MLLT1: variants seen among roughly 807,000 people sequenced by gnomAD.
The protein encoded by MLLT1 is protein ENL.
Under a neutral mutation model 55.1 loss-of-function variants are expected in MLLT1, and 11 were observed. The observed-to-expected ratio is 0.20, with a 90% CI of 0.13 to 0.33. The LOEUF is 0.33. MLLT1 is among the 10% of genes least tolerant of loss of function. The pLI, the probability that MLLT1 is intolerant of heterozygous loss-of-function variation, is 1.00. For synonymous variants in MLLT1, 323 were observed against 320.1 expected, an observed-to-expected ratio of 1.01 and a Z score of -0.10; for missense variants, 536 against 760.6, an observed-to-expected ratio of 0.70 and a Z score of 3.47.
rs977546886 is a variant in MLLT1 at position 6,219,754 on chromosome 19, C to T, written c.1111-1713G>A. On this transcript the variant is annotated intron_variant, in intron 6 of 11. Coordinates refer to ENST00000252674, the MANE Select transcript of MLLT1 (RefSeq NM_005934.4). The surrounding 1 kb of genome is among the most constrained non-coding windows in gnomAD (Gnocchi z 4.5). ...AAAGGTGGAGAGGGGGCAGTTCAGG[C>T]GGCCAAAGGAGGCTGCACAAGGTCA... 4.6e-5 allele frequency among the ~76,000 whole-genome samples: 7 copies of T among 152,162 alleles called. No individual in the cohort carries two copies. The highest frequency in any genetic ancestry group is 1.3e-4 in the Admixed American group (2 of 15,268).
intron 3 of MLLT1, among the ~76,000 whole-genome samples, chr19:6,254,979 AAG>A (rs1338749718): frequency 5.0e-5 from 6 of 120,114 alleles, no homozygotes; most frequent in African/African-American, 2.0e-4. Context: ...AAATCAACAA[AAG>A]AAAAAAAAAA....
intron 1 of MLLT1, among the ~76,000 whole-genome samples, chr19:6,279,559 C>G (rs2091446677): frequency 6.6e-6 from 1 of 151,718 alleles, no homozygotes; most frequent in Admixed American, 6.6e-5. Flanking sequence ...CCGGGCCCGG[C>G]CCGGGTCCCG....
chr19:6,279,943 G>T lies in MLLT1; in HGVS notation c.-159C>A. The T allele has an allele frequency of 6.0e-6, 1 of 165,774 alleles. No homozygotes were observed. The allele number at this position is 165,774 out of a possible 1,614,324, so 10.3% of individuals were successfully genotyped here. A position where few individuals can be genotyped will look rare whatever the true frequency, so the allele number is the denominator to read the frequency against. On this transcript the variant is annotated 5_prime_UTR_variant, in exon 1 of 12. Coordinates refer to ENST00000252674, the MANE Select transcript of MLLT1 (RefSeq NM_005934.4). ...CCGCCCGCTCGCCCGCCAGCCCCGC[G>T]GAACCGGAAACCACCGCCAGCCCGG...
intron 3 of MLLT1, among the ~76,000 whole-genome samples, chr19:6,242,524 A>C (rs2091124823): frequency 6.6e-6 from 1 of 152,192 alleles, no homozygotes; most frequent in Admixed American, 6.5e-5. Flanking sequence ...GTCTAATATT[A>C]GTGGCAAATA....
chr19:6,236,288 C>A (rs919632549), intron 3 of MLLT1, among the ~76,000 whole-genome samples: 2 of 152,216 alleles, frequency 1.3e-5, no homozygotes, highest in African/African-American at 2.4e-5. Context: ...TCTAAGCACT[C>A]AGCGGATACG....
At chr19:6,248,677 G>GC (rs1411515920) in intron 3 of MLLT1, among the ~76,000 whole-genome samples, 1 of 152,166 alleles carries the variant, frequency 6.6e-6, no homozygotes, top group Non-Finnish European at 1.5e-5. Context: ...AGAGACACAG[G>GC]CAACAGTGCA....
chr19:6,220,013 A>G (rs1401639940), intron 6 of MLLT1, among the ~76,000 whole-genome samples: 1 of 152,238 alleles, frequency 6.6e-6, no homozygotes, highest in Non-Finnish European at 1.5e-5. Flanking sequence ...GGCGGAGCAG[A>G]CTGGGTCCAC....
At chr19:6,250,380 A>G (rs1208810089) in intron 3 of MLLT1, among the ~76,000 whole-genome samples, 1 of 152,230 alleles carries the variant, frequency 6.6e-6, no homozygotes, top group Non-Finnish European at 1.5e-5. Flanking sequence ...GAAATTAAAC[A>G]TAGAATTACC....
rs1168962007 is a variant in MLLT1, at chr19:6,226,928, C to G, written c.546+49G>C. ...GAGGGCGCCGGGGCCAGACCCACCA[C>G]AGCTGGGCCCCGGCGCTCCCACGCG... On this transcript the variant is annotated intron_variant, in intron 5 of 11. Coordinates refer to ENST00000252674, the MANE Select transcript of MLLT1 (RefSeq NM_005934.4). The surrounding 1 kb of genome is among the most constrained non-coding windows in gnomAD (Gnocchi z 6.3). The G allele has an allele frequency of 6.7e-6, 10 of 1,489,024 alleles. No individual in the cohort carries two copies. Among genetic ancestry groups the G allele is most frequent in the Admixed American group, 2.5e-5 (1 of 40,038 alleles). The allele number at this position is 1,489,024 out of a possible 1,614,324, so 92.2% of individuals were successfully genotyped here.
Position 6,275,823 on chromosome 19 carries a change from T to A in MLLT1, c.12+3950A>T, listed in dbSNP as rs149741919. On this transcript the variant is annotated intron_variant, in intron 1 of 11. Coordinates refer to ENST00000252674, the MANE Select transcript of MLLT1 (RefSeq NM_005934.4). ...AATGCAAGTTCCCCTTTATAGGGTC[T>A]GCAGATTCCTGGTAAGACTGACTCT... Among the ~76,000 whole-genome samples the A allele has an allele frequency of 8.8e-3, 1,344 of 152,348 alleles. 13 individuals carry two copies. The highest frequency in any genetic ancestry group is 0.02 in the Middle Eastern group (6 of 294).
chr19:6,266,995 C>A (rs117789540), intron 2 of MLLT1, among the ~76,000 whole-genome samples: 1 of 152,076 alleles, frequency 6.6e-6, no homozygotes, highest in Non-Finnish European at 1.5e-5. Context: ...CCAGGTAAGG[C>A]GGCTGACACC....
chr19:6,214,287 C>T (rs546947786), intron 8 of MLLT1, among the ~76,000 whole-genome samples: 16 of 152,306 alleles, frequency 1.1e-4, no homozygotes, highest in Admixed American at 2.0e-4. Flanking sequence ...AAGAGTGCTC[C>T]GGGATACCCG....
chr19:6,216,600 G>T, intron 7 of MLLT1, 87 bp from the exon 8 acceptor site: 1 of 924,832 alleles, frequency 1.1e-6, no homozygotes, highest in Non-Finnish European at 1.6e-6. Context: ...GCCACGCAGA[G>T]CTTCTTGACA....
In MLLT1 at chr19:6,262,437, G is replaced by T; in HGVS notation, c.194-127C>A. ...GGGGCTTGGCTGGCCTCTCGGGGGT[G>T]GCTTTTCAGGAGGTTAAGCCCCCGA... On this transcript the variant is annotated intron_variant, in intron 2 of 11. Transcript: ENST00000252674. The surrounding 1 kb of genome is among the most constrained non-coding windows in gnomAD (Gnocchi z 4.4). 1 of 688,472 alleles carries T rather than the reference G, an allele frequency of 1.5e-6. No individual in the cohort carries two copies. The allele number at this position is 688,472 out of a possible 1,614,324, so 42.6% of individuals were successfully genotyped here. A position where few individuals can be genotyped will look rare whatever the true frequency, so the allele number is the denominator to read the frequency against.
chr19:6,217,527 A>G (rs1260550494), intron 7 of MLLT1, among the ~76,000 whole-genome samples: 3 of 152,102 alleles, frequency 2.0e-5, no homozygotes, highest in African/African-American at 7.2e-5. Context: ...GGGAGAGGGC[A>G]CTCCAAACAC....
Position 6,222,591 on chromosome 19 carries a change from A to T in MLLT1, c.640T>A (p.Ser214Thr), listed in dbSNP as rs1405882275. The change falls in exon 6 of 12, where the codon TCC becomes ACC. Residue 214 changes from serine (S) to threonine (T), a missense_variant. By Grantham distance (58) the Ser-to-Thr change is moderately conservative. Coordinates refer to ENST00000252674, the MANE Select transcript of MLLT1 (RefSeq NM_005934.4). This position sits in a 1 kb window ranked among gnomAD's most constrained non-coding sequence, Gnocchi z 4.1. ...RPRKDSESKS[S>T]SKELEREQAK... ...TGCTCACGCTCCAGCTCCTTGGAGG[A>T]GCTCTTGCTCTCGGAGTCTTTGCGG... 6.3e-7 allele frequency: 1 copy of T among 1,597,862 alleles called. No homozygotes were observed. Among genetic ancestry groups the T allele is most frequent in the Non-Finnish European group, 8.5e-7 (1 of 1,178,012 alleles).
intron 6 of MLLT1, among the ~76,000 whole-genome samples, chr19:6,218,508 G>T (rs1212732805): frequency 6.6e-6 from 1 of 152,236 alleles, no homozygotes; most frequent in Non-Finnish European, 1.5e-5. Flanking sequence ...GGGCTCAGGG[G>T]TGGCAGAGAG....
intron 3 of MLLT1, among the ~76,000 whole-genome samples, chr19:6,236,785 C>G (rs766899053): frequency 2.6e-5 from 4 of 152,230 alleles, no homozygotes; most frequent in Non-Finnish European, 5.9e-5. Flanking sequence ...CTCCTTCATG[C>G]CCCTGAGGCC....
rs1012038008 is a variant in MLLT1, at chr19:6,212,066, T to C, written c.*976A>G. On this transcript the variant is annotated 3_prime_UTR_variant, in exon 12 of 12. Transcript: ENST00000252674. The stretch of plus-strand genomic sequence containing the variant: ...CGTCTTATTTGGCAAAAGCTCATAT[T>C]TTTTTCAAAGTTTGAAGACTTGAAT... The C allele has an allele frequency of 9.4e-7, 1 of 1,065,984 alleles. No individual in the cohort carries two copies. Among genetic ancestry groups the C allele is most frequent in the African/African-American group, 1.6e-5 (1 of 61,048 alleles). The allele number at this position is 1,065,984 out of a possible 1,614,324, so 66.0% of individuals were successfully genotyped here.
Sources: gnomAD v4.1 joint callset for allele counts (sites outside exome capture counted in the v4.1 genomes callset) on GRCh38, gnomAD v4.1.1 for gene constraint, Gnocchi (gnomAD v3.1) non-coding constraint, MANE v1.5 for transcripts, NCBI Gene and HGNC (gene_info 2026-07-23, HGNC 2026-07-21) for gene names.